The following ENTHD1 variants were observed in gnomAD, a reference collection of about 807,000 sequenced individuals.
The protein encoded by ENTHD1 is ENTH domain-containing protein 1.
A neutral mutation model predicts 39.1 loss-of-function variants in ENTHD1; 23 were observed. That is an observed-to-expected ratio of 0.59 (90% confidence interval 0.42 to 0.83). The LOEUF is 0.83. ENTHD1 is among the 40% of genes least tolerant of loss of function. The pLI, the probability that ENTHD1 is intolerant of heterozygous loss-of-function variation, is 0.00. For synonymous variants in ENTHD1, 230 were observed against 258.2 expected (o/e 0.89, Z 1.05); for missense variants, 624 against 705.4 (o/e 0.88, Z 1.31).
Position 39,765,407 on chromosome 22 carries a change from GGGGCTGATAAAC to G in ENTHD1, c.1023_1034del (p.Glu341_Pro345delinsAsp). The G allele has an allele frequency of 6.2e-7, 1 of 1,613,962 alleles. No individual in the cohort carries two copies. Among genetic ancestry groups the G allele is most frequent in the Non-Finnish European group, 8.5e-7 (1 of 1,179,960 alleles). The stretch of plus-strand genomic sequence containing the variant: ...AATCTGACTTTGATACCCTTAAGTC[GGGGCTGATAAAC>G]TCCTCTTTACTTGACCAACATGCTG... On this transcript the variant is annotated inframe_deletion, in exon 6 of 7. Transcript: ENST00000325157.
chr22:39,804,274 C>G (rs1310238218), intron 5 of ENTHD1, among the ~76,000 whole-genome samples: 1 of 151,900 alleles, frequency 6.6e-6, no homozygotes, highest in Admixed American at 6.6e-5. Flanking sequence ...CTGTCTGAGT[C>G]CAGGAGTTCA....
intron 5 of ENTHD1, among the ~76,000 whole-genome samples, chr22:39,813,384 A>G (rs2065708740): frequency 6.6e-6 from 1 of 152,238 alleles, no homozygotes; most frequent in Non-Finnish European, 1.5e-5. Context: ...AAATATTAGC[A>G]AATCAAATCC....
intron 4 of ENTHD1, among the ~76,000 whole-genome samples, chr22:39,833,941 C>CAA (rs59299623): frequency 0.024 from 2,783 of 116,590 alleles, 15 homozygotes; most frequent in African/African-American, 0.039. Flanking sequence ...TATACTTGGG[C>CAA]AAAAAAAAAA....
intron 2 of ENTHD1, among the ~76,000 whole-genome samples, chr22:39,872,153 C>T (rs1056960014): frequency 6.6e-5 from 10 of 152,158 alleles, no homozygotes; most frequent in Non-Finnish European, 1.3e-4. Context: ...TAATGCTTGG[C>T]CCCTGTATCA....
intron 4 of ENTHD1, among the ~76,000 whole-genome samples, chr22:39,823,954 A>G (rs1399567427): frequency 6.6e-6 from 1 of 152,194 alleles, no homozygotes; most frequent in Non-Finnish European, 1.5e-5. Flanking sequence ...TGTTAAAATG[A>G]CTGTTCATAA....
intron 6 of ENTHD1, among the ~76,000 whole-genome samples, chr22:39,764,761 C>A (rs2065261555): frequency 6.6e-6 from 1 of 150,898 alleles, no homozygotes; most frequent in Non-Finnish European, 1.5e-5. Context: ...ATAAAAAAGA[C>A]AAGATCCCCT....
chr22:39,782,981 G>C (rs756751601), intron 5 of ENTHD1, among the ~76,000 whole-genome samples: 6 of 152,126 alleles, frequency 3.9e-5, no homozygotes, highest in Middle Eastern at 3.2e-3. Context: ...AAAGAAAGAA[G>C]TGAAATTAGC....
chr22:39,888,735 A>T (rs1412210948), intron 1 of ENTHD1, among the ~76,000 whole-genome samples: 1 of 152,040 alleles, frequency 6.6e-6, no homozygotes, highest in Non-Finnish European at 1.5e-5. Context: ...CTGCCTGGCT[A>T]ATTTTTAAAT....
intron 6 of ENTHD1, among the ~76,000 whole-genome samples, chr22:39,752,053 TTC>T (rs542882500): frequency 8.7e-4 from 130 of 149,154 alleles, no homozygotes; most frequent in East Asian, 2.0e-3. Flanking sequence ...AAAGCTTTAT[TTC>T]TCTCTCTCTC....
chr22:39,797,424 G>T (rs902578217), intron 5 of ENTHD1, among the ~76,000 whole-genome samples: 1 of 152,108 alleles, frequency 6.6e-6, no homozygotes, highest in Admixed American at 6.5e-5. Context: ...TGGTTGCTTT[G>T]TATATTCTTT....
At position 39,875,911 on chromosome 22, in the gene ENTHD1, A is replaced by G. The variant is rs916617213; in HGVS notation, c.349+11489T>C. On this transcript the variant is annotated intron_variant, in intron 2 of 6. Coordinates refer to ENST00000325157, the MANE Select transcript of ENTHD1 (RefSeq NM_152512.4). ...AGCATGATCTAGATCGAGTAAAGAA[A>G]CCTGAATGGGTTATCCTGATAGGTG... The G allele has an allele frequency of 6.6e-5, 106 of 1,613,730 alleles. 1 individual carries two copies. The highest frequency in any genetic ancestry group is 8.8e-5 in the Non-Finnish European group (104 of 1,179,858).
At chr22:39,881,444 T>C (rs1352596047) in intron 2 of ENTHD1, among the ~76,000 whole-genome samples, 5 of 152,210 alleles carry the variant, frequency 3.3e-5, no homozygotes, top group Non-Finnish European at 7.3e-5. Context: ...GAGAAATTAT[T>C]TGAAAAAGTA....
chr22:39,830,626 A>G (rs1490224286), intron 4 of ENTHD1, among the ~76,000 whole-genome samples: 1 of 152,178 alleles, frequency 6.6e-6, no homozygotes, highest in Non-Finnish European at 1.5e-5. Flanking sequence ...TTTCACAGGA[A>G]AAAAAGAGAA....
chr22:39,830,548 C>A (rs2065861357), intron 4 of ENTHD1, among the ~76,000 whole-genome samples: 1 of 152,132 alleles, frequency 6.6e-6, no homozygotes, highest in Non-Finnish European at 1.5e-5. Context: ...TAATTCCAAC[C>A]TTCCTTATAG....
At chr22:39,823,449 A>T (rs981547134) in intron 4 of ENTHD1, among the ~76,000 whole-genome samples, 4 of 151,942 alleles carry the variant, frequency 2.6e-5, no homozygotes, top group African/African-American at 9.7e-5. Flanking sequence ...GGCTCAAGTG[A>T]TCCTCCCACT....
intron 4 of ENTHD1, among the ~76,000 whole-genome samples, chr22:39,830,526 A>T (rs2065861194): frequency 6.6e-6 from 1 of 152,182 alleles, no homozygotes. Context: ...AGAAAGTAAA[A>T]AATAATAATA....
At chr22:39,757,402 TGGG>T (rs2065193441) in intron 6 of ENTHD1, among the ~76,000 whole-genome samples, 1 of 152,102 alleles carries the variant, frequency 6.6e-6, no homozygotes, top group South Asian at 2.1e-4. Flanking sequence ...CCCAAGGAGC[TGGG>T]ACCACAAGGT....
At chr22:39,793,796 C>T (rs113752078) in intron 5 of ENTHD1, among the ~76,000 whole-genome samples, 1 of 152,192 alleles carries the variant, frequency 6.6e-6, no homozygotes, top group African/African-American at 2.4e-5. Flanking sequence ...TCTGTGTTCT[C>T]TCTCCTGTTC....
At chr22:39,744,439 A>C (rs78556357) in intron 6 of ENTHD1, among the ~76,000 whole-genome samples, 156 bp from the exon 7 acceptor site, 10,742 of 152,260 alleles carry the variant, frequency 0.071, 435 homozygotes, top group South Asian at 0.13. Flanking sequence ...AAGCTTAAAA[A>C]AACCCAAAGC....
Sources: gnomAD v4.1 joint callset for allele counts (sites outside exome capture counted in the v4.1 genomes callset) on GRCh38, gnomAD v4.1.1 for gene constraint, MANE v1.5 for transcripts, NCBI Gene and HGNC (gene_info 2026-07-23, HGNC 2026-07-21) for gene names.